Variants in ENPP4 observed in about 807,000 individuals in gnomAD.
ENPP4 encodes the protein ectonucleotide pyrophosphatase/phosphodiesterase 4, also known as bis(5'-adenosyl)-triphosphatase ENPP4.
Under a neutral mutation model 33.4 loss-of-function variants are expected in ENPP4, and 18 were observed. The observed-to-expected ratio is 0.54, with a 90% confidence interval of 0.37 to 0.80. ENPP4 has a LOEUF of 0.80. ENPP4 is among the 30% of genes least tolerant of loss of function. The pLI is 0.00. For synonymous variants in ENPP4, 172 were observed against 189.9 expected, an observed-to-expected ratio of 0.91 and a Z score of 0.78; for missense variants, 480 against 541.7, an observed-to-expected ratio of 0.89 and a Z score of 1.13.
At position 46,143,575 on chromosome 6, in the gene ENPP4, T is replaced by C. The variant is rs144100074; in HGVS notation, c.1297T>C (p.Ser433Pro). The C allele has an allele frequency of 1.2e-6, 2 of 1,612,284 alleles. No homozygotes were observed. Among genetic ancestry groups the C allele is most frequent in the African/African-American group, 1.3e-5 (1 of 74,804 alleles). Residue 433 changes from serine (S) to proline (P), a missense_variant, in exon 4 of 4, where the codon TCT (serine) becomes CCT (proline). Ser to Pro is a moderately conservative substitution (Grantham distance 74). This residue lies in a region of ENPP4 where 249 missense variants were observed against 251.8 expected (regional missense o/e 0.99). Coordinates refer to ENST00000321037, the MANE Select transcript of ENPP4 (RefSeq NM_014936.5). ...CLIIIMQNRL[S>P]VPRPFSRLQL... ...CATAATAATCATGCAGAATAGACTTTCTGTACCTCGTCCATTTTCTCGACT... is the reference window on the plus strand; with the variant it reads ...CATAATAATCATGCAGAATAGACTTCCTGTACCTCGTCCATTTTCTCGACT...
rs1482013916 is a variant in ENPP4, at chr6:46,131,523, T to C, written c.-34+1334T>C. 5.3e-5 allele frequency among the ~76,000 whole-genome samples: 8 copies of C among 152,270 alleles called. No homozygotes were observed. In the East Asian group the frequency reaches 1.5e-3, roughly 29 times the overall value. On this transcript the variant is annotated intron_variant, in intron 1 of 3. Transcript: ENST00000321037. ...TATGGCTGCATAGTATTCCATGGTG[T>C]ATATGTGCCACATTTTCTTAATCCA...
rs375434527 is a variant in ENPP4, at chr6:46,143,262, T to G, written c.998-14T>G. 16 of 1,548,552 alleles carry G rather than the reference T, an allele frequency of 1.0e-5. No homozygotes were observed. The highest frequency in any genetic ancestry group is 7.9e-6 in the Non-Finnish European group (9 of 1,145,466). ...TCTGATCTTATTGACTGATGTTGTT[T>G]TGTTCTTTTTCAGTAGGTGACCATG... is the stretch of plus-strand genomic sequence containing the variant. On this transcript the variant is annotated splice_polypyrimidine_tract_variant and intron_variant, in intron 3 of 3. Transcript: ENST00000321037.
At chr6:46,131,177 A>G (rs1763890323) in intron 1 of ENPP4, among the ~76,000 whole-genome samples, 1 of 151,980 alleles carries the variant, frequency 6.6e-6, no homozygotes, top group African/African-American at 2.4e-5. Context: ...TTATTATTAT[A>G]CCTTAAGTTT....
At chr6:46,131,803 A>T (rs2127491530) in intron 1 of ENPP4, among the ~76,000 whole-genome samples, 1 of 152,140 alleles carries the variant, frequency 6.6e-6, no homozygotes, top group Non-Finnish European at 1.5e-5. Flanking sequence ...ATTTCTCCAC[A>T]TCCTCTCCAG....
At chr6:46,134,285 A>G (rs761511002) in intron 1 of ENPP4, among the ~76,000 whole-genome samples, 2 of 152,108 alleles carry the variant, frequency 1.3e-5, no homozygotes, top group Non-Finnish European at 1.5e-5. Flanking sequence ...TCACCCATCT[A>G]CTAATTGTGA....
chr6:46,138,822 C>G (rs1482136339), intron 1 of ENPP4, among the ~76,000 whole-genome samples: 1 of 151,798 alleles, frequency 6.6e-6, no homozygotes, highest in South Asian at 2.1e-4. Context: ...AGCTTTAAGC[C>G]TAGGGTATTA....
intron 1 of ENPP4, among the ~76,000 whole-genome samples, chr6:46,136,953 T>C (rs1763986027): frequency 6.6e-6 from 1 of 151,974 alleles, no homozygotes; most frequent in African/African-American, 2.4e-5. Context: ...AGCTGCACTT[T>C]TAACAAGCTC....
At position 46,141,124 on chromosome 6, in the gene ENPP4, C is replaced by G. The variant is rs773644125; in HGVS notation, c.899C>G (p.Pro300Arg). 1 of 1,607,476 alleles carries G rather than the reference C, an allele frequency of 6.2e-7. No individual in the cohort carries two copies. The highest frequency in any genetic ancestry group is 2.2e-5 in the East Asian group (1 of 44,706). The change falls in exon 3 of 4, where the codon CCT becomes CGT. Residue 300 changes from proline (P) to arginine (R), a missense_variant. This residue lies in a region of ENPP4 where 249 missense variants were observed against 251.8 expected (regional missense o/e 0.99). Coordinates refer to ENST00000321037, the MANE Select transcript of ENPP4 (RefSeq NM_014936.5). Reference sequence around the variant, plus strand: ...AATGTTTATCTCAAAGAAGACATTCCTAACAGATTTTATTACCAACATAAT... The same window carrying G: ...AATGTTTATCTCAAAGAAGACATTCGTAACAGATTTTATTACCAACATAAT... ...HMNVYLKEDI[P>R]NRFYYQHNDR... is the part of the protein sequence containing the mutation.
chr6:46,140,095 T>C lies in ENPP4; in HGVS notation c.512T>C (p.Leu171Pro). 6.2e-7 allele frequency: 1 copy of C among 1,612,580 alleles called. No individual in the cohort carries two copies. Among genetic ancestry groups the C allele is most frequent in the Non-Finnish European group, 8.5e-7 (1 of 1,179,060 alleles). Residue 171 changes from leucine to proline, a missense_variant, in exon 2 of 4, where the codon CTA (leucine) becomes CCA (proline). By Grantham distance (98) the Leu-to-Pro change is moderately conservative. Coordinates refer to ENST00000321037, the MANE Select transcript of ENPP4 (RefSeq NM_014936.5). ...AGACTAAATAATATTACTATGTGGC[T>C]AAACAATTCGAACCCACCAGTCACC... ...EERLNNITMW[L>P]NNSNPPVTFA... is the part of the protein sequence containing the mutation.
intron 1 of ENPP4, among the ~76,000 whole-genome samples, chr6:46,138,819 A>C (rs1287924629): frequency 6.6e-6 from 1 of 151,950 alleles, no homozygotes; most frequent in Non-Finnish European, 1.5e-5. Flanking sequence ...GATAGCTTTA[A>C]GCCTAGGGTA....
intron 1 of ENPP4, among the ~76,000 whole-genome samples, chr6:46,132,291 T>C (rs1231023452): frequency 1.3e-5 from 2 of 152,206 alleles, no homozygotes; most frequent in African/African-American, 4.8e-5. Flanking sequence ...GTTTTAGGTC[T>C]AACGTTTAAG....
At chr6:46,136,707 G>A (rs1763980146) in intron 1 of ENPP4, among the ~76,000 whole-genome samples, 2 of 151,898 alleles carry the variant, frequency 1.3e-5, no homozygotes, top group African/African-American at 4.8e-5. Context: ...ACAGAGCTGT[G>A]CCCAGAGAGA....
rs760857224 is a variant in ENPP4, at chr6:46,141,037, CTTT to C, written c.827-8_827-6del. ...TCATAACTTGTTTCCTTTGCTGTTT[CTTT>C]TTTTTTCTCAGATAGAACAGAGGTT... On this transcript the variant is annotated splice_polypyrimidine_tract_variant and intron_variant, in intron 2 of 3. Transcript: ENST00000321037. 6.7e-7 allele frequency: 1 copy of C among 1,495,472 alleles called. No homozygotes were observed. Among genetic ancestry groups the C allele is most frequent in the Admixed American group, 2.2e-5 (1 of 44,564 alleles). 92.6% of individuals were successfully genotyped at this position (1,495,472 alleles called of 1,614,324 possible).
At chr6:46,142,309 T>A (rs1764073571) in intron 3 of ENPP4, among the ~76,000 whole-genome samples, 1 of 49,428 alleles carries the variant, frequency 2.0e-5, no homozygotes, top group South Asian at 6.3e-4. Flanking sequence ...TTTTCTAATA[T>A]ATATCTATAT....
chr6:46,131,535 A>C (rs1180771989), intron 1 of ENPP4, among the ~76,000 whole-genome samples: 6 of 151,900 alleles, frequency 3.9e-5, no homozygotes, highest in South Asian at 4.2e-4. Flanking sequence ...TATGTGCCAC[A>C]TTTTCTTAAT....
Position 46,132,806 on chromosome 6 carries a change from T to A in ENPP4, c.-34+2617T>A, listed in dbSNP as rs920242171. On this transcript the variant is annotated intron_variant, in intron 1 of 3. Transcript: ENST00000321037. ...CATGAGCATGGAATGTTCTTCCATT[T>A]GTTTGTATCCTCTTTTATTTCCTTG... Among the ~76,000 whole-genome samples the A allele has an allele frequency of 4.6e-5, 7 of 152,156 alleles. No homozygotes were observed. In the East Asian group the frequency reaches 1.3e-3, roughly 29 times the overall value.
Position 46,133,638 on chromosome 6 carries a change from C to T in ENPP4, c.-34+3449C>T, listed in dbSNP as rs868016439. 5.3e-5 allele frequency among the ~76,000 whole-genome samples: 8 copies of T among 152,232 alleles called. No homozygotes were observed. In the South Asian group the frequency reaches 8.3e-4, roughly 16 times the overall value. On this transcript the variant is annotated intron_variant, in intron 1 of 3. Coordinates refer to ENST00000321037, the MANE Select transcript of ENPP4 (RefSeq NM_014936.5). Reference sequence around the variant, plus strand: ...TGTTGTAGGGATATTTGGTTGCAGTCCAGAGAGGTCTGCTTTTTTTCTTCT... The same window carrying T: ...TGTTGTAGGGATATTTGGTTGCAGTTCAGAGAGGTCTGCTTTTTTTCTTCT...
chr6:46,140,420 A>C lies in ENPP4; in HGVS notation c.826+11A>C. On this transcript the variant is annotated intron_variant, in intron 2 of 3. Coordinates refer to ENST00000321037, the MANE Select transcript of ENPP4 (RefSeq NM_014936.5). ...TACTTCCCAAAATAAGTAAGTAAAC[A>C]TTCAACTGAGGGATACTATTATTCG... 6.8e-7 allele frequency: 1 copy of C among 1,461,776 alleles called. No homozygotes were observed. Among genetic ancestry groups the C allele is most frequent in the Non-Finnish European group, 9.3e-7 (1 of 1,075,406 alleles). 90.6% of individuals were successfully genotyped at this position (1,461,776 alleles called of 1,614,324 possible).
Position 46,146,446 on chromosome 6 carries a change from T to C in ENPP4, c.*2806T>C, listed in dbSNP as rs1378015190. 1 of 152,330 alleles carries C rather than the reference T, an allele frequency of 6.6e-6. No individual in the cohort carries two copies. Among genetic ancestry groups the C allele is most frequent in the Non-Finnish European group, 1.5e-5 (1 of 67,868 alleles). The allele number at this position is 152,330 out of a possible 1,614,324, so 9.4% of individuals were successfully genotyped here. On this transcript the variant is annotated 3_prime_UTR_variant, in exon 4 of 4. Coordinates refer to ENST00000321037, the MANE Select transcript of ENPP4 (RefSeq NM_014936.5). Reference sequence around the variant, plus strand: ...AGGGTTTTACTTCCTTGTTAACATATAAAGTTATAAATGAAGGACAAGGAG... The same window carrying C: ...AGGGTTTTACTTCCTTGTTAACATACAAAGTTATAAATGAAGGACAAGGAG...
Sources: allele counts gnomAD v4.1 joint callset (sites outside exome capture counted in the v4.1 genomes callset), GRCh38; gene constraint gnomAD v4.1.1; regional missense constraint gnomAD v4.1.1; transcripts MANE v1.5; gene names NCBI Gene and HGNC (gene_info 2026-07-23, HGNC 2026-07-21).